FRMPD3: variants seen among roughly 807,000 people sequenced by gnomAD.
FRMPD3 encodes FERM and PDZ domain containing 3, also known as FERM and PDZ domain-containing protein 3.
Under a neutral mutation model 97.9 loss-of-function variants are expected in FRMPD3, and 42 were observed. The observed-to-expected ratio is 0.43, with a 90% CI of 0.34 to 0.55. FRMPD3 has a LOEUF of 0.55. Ranked by LOEUF, FRMPD3 falls within the 20% of genes least tolerant of loss-of-function variation. The pLI is 0.03. For missense variants in FRMPD3, 1,303 were observed against 1,457.7 expected (o/e 0.89, Z 1.73); for synonymous variants, 577 against 581.1 (o/e 0.99, Z 0.10).
intron 6 of FRMPD3, among the ~76,000 whole-genome samples, chrX:107,552,311 A>G (rs762613852): frequency 3.2e-4 from 36 of 112,442 alleles, no homozygotes; most frequent in African/African-American, 1.0e-3. Flanking sequence ...GATTTAAATT[A>G]TGAATCCAGA....
intron 8 of FRMPD3, 26 bp downstream of exon 8, chrX:107,554,530 G>A: frequency 1.7e-6 from 2 of 1,197,169 alleles, no homozygotes; most frequent in Non-Finnish European, 2.3e-6. Context: ...GGGATACACA[G>A]ACAGACCAGT....
chrX:107,479,233 T>C (rs1921277561), intron 1 of FRMPD3, among the ~76,000 whole-genome samples: 1 of 112,458 alleles, frequency 8.9e-6, no homozygotes, highest in Non-Finnish European at 1.9e-5. Context: ...CTTCCACCCA[T>C]AGGGATTGCC....
chrX:107,461,079 C>A (rs972091801), intron 1 of FRMPD3, among the ~76,000 whole-genome samples: 2 of 111,728 alleles, frequency 1.8e-5, no homozygotes, highest in Non-Finnish European at 3.8e-5. Flanking sequence ...TTCTTTTCTT[C>A]CCCCGACCCG....
chrX:107,583,321 G>A (rs1181828741), intron 13 of FRMPD3, among the ~76,000 whole-genome samples: 1 of 109,127 alleles, frequency 9.2e-6, no homozygotes, highest in African/African-American at 3.3e-5. Context: ...TCCCATTTAT[G>A]AGTAAGAACA....
chrX:107,549,037 G>A (rs181198330), intron 5 of FRMPD3, among the ~76,000 whole-genome samples: 58 of 111,850 alleles, frequency 5.2e-4, no homozygotes, highest in Non-Finnish European at 9.6e-4. Flanking sequence ...AAAGGCAGAG[G>A]GAACAGCTTT....
intron 1 of FRMPD3, among the ~76,000 whole-genome samples, chrX:107,471,908 C>T (rs1280921493): frequency 8.9e-6 from 1 of 112,390 alleles, no homozygotes; most frequent in Non-Finnish European, 1.9e-5. Context: ...CTAATTTGCA[C>T]TCCCACCAAC....
chrX:107,537,905 G>T (rs1198715707), intron 4 of FRMPD3, among the ~76,000 whole-genome samples: 1 of 111,601 alleles, frequency 9.0e-6, no homozygotes, highest in African/African-American at 3.3e-5. Flanking sequence ...TGAAAATTTT[G>T]ATTTACCCCA....
chrX:107,540,359 G>GT (rs966996546), intron 4 of FRMPD3, among the ~76,000 whole-genome samples: 3 of 111,346 alleles, frequency 2.7e-5, no homozygotes. Context: ...GCTGAGTTTC[G>GT]TTTTTTTTCA....
At chrX:107,568,115 A>G (rs1160534904) in intron 12 of FRMPD3, among the ~76,000 whole-genome samples, 2 of 110,905 alleles carry the variant, frequency 1.8e-5, no homozygotes, top group Non-Finnish European at 3.8e-5. Flanking sequence ...TATTGTAGTG[A>G]AAAGAGAAAG....
intron 13 of FRMPD3, among the ~76,000 whole-genome samples, chrX:107,587,511 T>C (rs930394855): frequency 8.9e-6 from 1 of 111,803 alleles, no homozygotes; most frequent in Non-Finnish European, 1.9e-5. Flanking sequence ...TCTGGTTATG[T>C]TGGACACTAG....
At chrX:107,589,065 G>A (rs765929956) in intron 13 of FRMPD3, among the ~76,000 whole-genome samples, 6 of 110,611 alleles carry the variant, frequency 5.4e-5, no homozygotes, top group African/African-American at 1.7e-4. Flanking sequence ...ATCTTCCGAA[G>A]CCTACTTCTG....
chrX:107,524,453 G>C (rs769858280), intron 1 of FRMPD3, among the ~76,000 whole-genome samples: 1 of 112,393 alleles, frequency 8.9e-6, no homozygotes, highest in South Asian at 3.7e-4. Flanking sequence ...CTCCCGAAGG[G>C]GTGACAGACA....
chrX:107,504,670 A>G (rs983398498), intron 1 of FRMPD3, among the ~76,000 whole-genome samples: 5 of 112,160 alleles, frequency 4.5e-5, no homozygotes, highest in African/African-American at 1.6e-4. Flanking sequence ...GTTCTGTTGT[A>G]TATCTCAGCC....
At chrX:107,550,883 C>T (rs1304622266) in intron 6 of FRMPD3, among the ~76,000 whole-genome samples, 1 of 111,945 alleles carries the variant, frequency 8.9e-6, no homozygotes, top group East Asian at 2.8e-4. Context: ...TAATGCCGCC[C>T]AAACTGCTGG....
At chrX:107,560,939 C>T in intron 10 of FRMPD3, 86 bp downstream of exon 10, 2 of 985,021 alleles carry the variant, frequency 2.0e-6, no homozygotes. Flanking sequence ...AGAGTCTGGT[C>T]CTCTAGGGAT....
chrX:107,484,975 T>C (rs779116731), intron 1 of FRMPD3, among the ~76,000 whole-genome samples: 4 of 112,455 alleles, frequency 3.6e-5, no homozygotes, highest in Non-Finnish European at 1.9e-5. Flanking sequence ...AGAATATGAT[T>C]GGCTAATTGG....
chrX:107,477,259 C>T (rs1921221839), intron 1 of FRMPD3, among the ~76,000 whole-genome samples: 1 of 109,604 alleles, frequency 9.1e-6, no homozygotes, highest in African/African-American at 3.3e-5. Context: ...CCCCAGGACA[C>T]AGGAAGAGCC....
At chrX:107,515,740 C>A (rs1322059160) in intron 1 of FRMPD3, among the ~76,000 whole-genome samples, 1 of 111,144 alleles carries the variant, frequency 9.0e-6, no homozygotes, top group Non-Finnish European at 1.9e-5. Flanking sequence ...TAGCATGATT[C>A]TGGAGCGGTG....
chrX:107,567,709 G>A (rs756713331), intron 12 of FRMPD3, among the ~76,000 whole-genome samples: 30 of 112,037 alleles, frequency 2.7e-4, no homozygotes, highest in African/African-American at 9.4e-4. Flanking sequence ...TCAAAGGCCA[G>A]TCTGTGGAAT....
Sources: gnomAD v4.1 joint callset for allele counts (sites outside exome capture counted in the v4.1 genomes callset) on GRCh38, gnomAD v4.1.1 for gene constraint, MANE v1.5 for transcripts, NCBI Gene and HGNC (gene_info 2026-07-23, HGNC 2026-07-21) for gene names.